The following LRRC4C variants were observed in gnomAD, a reference collection of about 807,000 sequenced individuals.
LRRC4C encodes leucine-rich repeat-containing protein 4C.
In LRRC4C, 5 loss-of-function variants were observed where a neutral mutation model predicts 33.6. The ratio of observed to expected loss-of-function variants is 0.15; its 90% CI spans 0.08 to 0.31. The LOEUF (loss-of-function observed/expected upper bound fraction) is 0.31, where lower values mean the gene tolerates loss of function less well. Ranked by LOEUF, LRRC4C falls within the 10% of genes least tolerant of loss-of-function variation. The pLI is 1.00. For synonymous variants in LRRC4C, 329 were observed against 302.0 expected, an observed-to-expected ratio of 1.09 and a Z score of -0.93; for missense variants, 560 against 796.7, an observed-to-expected ratio of 0.70 and a Z score of 3.58.
rs151072554 is a variant in LRRC4C, at chr11:40,651,486, C to T, written c.-406-3208G>A. On this transcript the variant is annotated intron_variant, in intron 2 of 6. Transcript: ENST00000528697. The stretch of plus-strand genomic sequence containing the variant: ...TCAATTTATGAAATACTAGAAGACA[C>T]TTAATCTACCACTGTCATATGCCAC... Among the ~76,000 whole-genome samples the T allele has an allele frequency of 3.9e-5, 6 of 152,268 alleles. No individual in the cohort carries two copies. In the South Asian group the frequency reaches 6.2e-4, roughly 16 times the overall value.
At chr11:41,342,345 TC>T (rs1030117624) in intron 1 of LRRC4C, among the ~76,000 whole-genome samples, 4 of 152,182 alleles carry the variant, frequency 2.6e-5, no homozygotes, top group African/African-American at 9.7e-5. Context: ...GTTTTGGTTT[TC>T]TGCTCTCCAC....
At chr11:41,112,877 A>C (rs1941916829) in intron 1 of LRRC4C, among the ~76,000 whole-genome samples, 1 of 152,226 alleles carries the variant, frequency 6.6e-6, no homozygotes, top group African/African-American at 2.4e-5. Flanking sequence ...TGAAAACAAC[A>C]AAAAACATAT....
At chr11:41,162,885 C>T (rs1944536270) in intron 1 of LRRC4C, among the ~76,000 whole-genome samples, 1 of 152,138 alleles carries the variant, frequency 6.6e-6, no homozygotes, top group Non-Finnish European at 1.5e-5. Flanking sequence ...ATCATTTCTT[C>T]AAAAACAATT....
chr11:40,411,825 A>T (rs1306838854), intron 3 of LRRC4C, among the ~76,000 whole-genome samples: 1 of 152,088 alleles, frequency 6.6e-6, no homozygotes, highest in African/African-American at 2.4e-5. Context: ...GATAGTGATA[A>T]TATAACCATG....
chr11:41,098,294 TCTGA>T (rs1391795190), intron 1 of LRRC4C, among the ~76,000 whole-genome samples: 1 of 152,190 alleles, frequency 6.6e-6, no homozygotes. Context: ...TTGTAATATC[TCTGA>T]CTGTTTCTCA....
At chr11:40,980,862 C>A (rs1852467129) in intron 1 of LRRC4C, among the ~76,000 whole-genome samples, 1 of 152,272 alleles carries the variant, frequency 6.6e-6, no homozygotes, top group South Asian at 2.1e-4. Flanking sequence ...ACCCAGCAAA[C>A]GTTATTAGCA....
At chr11:41,196,362 TTAAA>T (rs1946178923) in intron 1 of LRRC4C, among the ~76,000 whole-genome samples, 1 of 152,024 alleles carries the variant, frequency 6.6e-6, no homozygotes, top group Admixed American at 6.6e-5. Context: ...GAACAGGAAA[TTAAA>T]TATCTTATCC....
chr11:41,011,114 A>T (rs941823452), intron 1 of LRRC4C, among the ~76,000 whole-genome samples: 1 of 152,186 alleles, frequency 6.6e-6, no homozygotes, highest in Non-Finnish European at 1.5e-5. Context: ...TTCCATAGAT[A>T]TCCAACCAGA....
In LRRC4C at chr11:41,259,920, G is replaced by A. The variant is rs559101840; in HGVS notation, c.-496+199511C>T. On this transcript the variant is annotated intron_variant, in intron 1 of 6. Transcript: ENST00000528697. ...GACCTTTATGAGTCCAATTCCCTGC[G>A]TTCTGTTAATATGCCATTTTTAATC... Among the ~76,000 whole-genome samples, 8 of 151,880 alleles carry A rather than the reference G, an allele frequency of 5.3e-5. No individual in the cohort carries two copies. The East Asian group carries it at 1.2e-3, about 22-fold the overall frequency.
intron 1 of LRRC4C, among the ~76,000 whole-genome samples, chr11:41,064,757 G>T (rs1467954991): frequency 2.0e-5 from 3 of 152,210 alleles, no homozygotes; most frequent in African/African-American, 4.8e-5. Context: ...TAGGCAATGG[G>T]TGTAACCCAC....
intron 1 of LRRC4C, among the ~76,000 whole-genome samples, chr11:41,041,653 G>A (rs1351285156): frequency 1.3e-5 from 2 of 151,906 alleles, no homozygotes; most frequent in South Asian, 2.1e-4. Context: ...ACACAGAAAT[G>A]TGCACACACT....
intron 3 of LRRC4C, among the ~76,000 whole-genome samples, chr11:40,499,096 G>T (rs1017877795): frequency 5.9e-5 from 9 of 152,148 alleles, no homozygotes; most frequent in African/African-American, 2.2e-4. Flanking sequence ...CACAACTGAA[G>T]AAACTATTTT....
intron 2 of LRRC4C, among the ~76,000 whole-genome samples, chr11:40,872,183 G>A (rs1030871099): frequency 2.0e-5 from 3 of 152,132 alleles, no homozygotes; most frequent in Non-Finnish European, 4.4e-5. Flanking sequence ...GGACACTGTA[G>A]ATACCCATGT....
At chr11:41,307,289 G>A (rs912337905) in intron 1 of LRRC4C, among the ~76,000 whole-genome samples, 7 of 151,884 alleles carry the variant, frequency 4.6e-5, no homozygotes, top group African/African-American at 1.2e-4. Context: ...AAAAGAAGAC[G>A]ATTCCTCCTT....
intron 1 of LRRC4C, among the ~76,000 whole-genome samples, chr11:41,203,540 T>A (rs1946482714): frequency 6.6e-6 from 1 of 152,202 alleles, no homozygotes; most frequent in African/African-American, 2.4e-5. Flanking sequence ...GCATCCCACA[T>A]TCTAAGACCC....
intron 3 of LRRC4C, among the ~76,000 whole-genome samples, chr11:40,401,229 A>G (rs1306568694): frequency 6.7e-6 from 1 of 149,524 alleles, no homozygotes; most frequent in Admixed American, 6.7e-5. Flanking sequence ...CAGTCAGTCA[A>G]TCTCCCTCTC....
intron 1 of LRRC4C, among the ~76,000 whole-genome samples, chr11:41,375,491 C>G (rs180683188): frequency 6.6e-5 from 10 of 152,250 alleles, no homozygotes; most frequent in Admixed American, 2.6e-4. Context: ...ACATACACAG[C>G]ATCAGGAGAA....
At chr11:40,784,888 A>T (rs1950347099) in intron 2 of LRRC4C, among the ~76,000 whole-genome samples, 1 of 152,178 alleles carries the variant, frequency 6.6e-6, no homozygotes, top group Admixed American at 6.5e-5. Context: ...AGGGGGAAAA[A>T]CACAGAAAGA....
At chr11:40,438,562 C>T (rs1992318) in intron 3 of LRRC4C, among the ~76,000 whole-genome samples, 1 of 151,784 alleles carries the variant, frequency 6.6e-6, no homozygotes, top group African/African-American at 2.4e-5. Context: ...AATAGTGGAC[C>T]CTCAGTGAAC....
Sources: allele counts gnomAD v4.1 joint callset (sites outside exome capture counted in the v4.1 genomes callset), GRCh38; gene constraint gnomAD v4.1.1; transcripts MANE v1.5; gene names NCBI Gene and HGNC (gene_info 2026-07-23, HGNC 2026-07-21).